The following ADGRL3 variants were observed in gnomAD, a reference collection of about 807,000 sequenced individuals.
The protein encoded by ADGRL3 is calcium-independent alpha-latrotoxin receptor 3.
A neutral mutation model predicts 153.5 loss-of-function variants in ADGRL3; 62 were observed. The observed-to-expected ratio is 0.40, with a 90% CI of 0.33 to 0.50. The LOEUF is 0.50. Among genes scored for constraint, ADGRL3 ranks in the 20% least tolerant of loss-of-function variants. The probability of loss-of-function intolerance (pLI) is 0.47; values close to 1 mark genes in which losing one functional copy is unlikely to be tolerated. For synonymous variants in ADGRL3, 710 were observed against 672.5 expected (o/e 1.06, Z -0.86); for missense variants, 1,641 against 1,859.4 (o/e 0.88, Z 2.16).
At chr4:61,275,719 G>C (rs1287358272) in intron 1 of ADGRL3, among the ~76,000 whole-genome samples, 1 of 152,092 alleles carries the variant, frequency 6.6e-6, no homozygotes, top group African/African-American at 2.4e-5. Flanking sequence ...TAACCTGCCT[G>C]GTCCCTGTAG....
chr4:61,801,313 T>C (rs895404862), intron 8 of ADGRL3, among the ~76,000 whole-genome samples: 19 of 152,064 alleles, frequency 1.2e-4, no homozygotes, highest in African/African-American at 4.6e-4. Context: ...CTAGGAACAA[T>C]TCTTAGAACA....
chr4:61,804,854 G>A (rs1001221771), intron 8 of ADGRL3, among the ~76,000 whole-genome samples: 52 of 152,060 alleles, frequency 3.4e-4, no homozygotes, highest in Non-Finnish European at 5.3e-4. Context: ...CCTTCCTTGC[G>A]GGGAGAGGGT....
At chr4:61,531,091 CT>C (rs1313736538) in intron 4 of ADGRL3, among the ~76,000 whole-genome samples, 2 of 152,020 alleles carry the variant, frequency 1.3e-5, no homozygotes, top group Non-Finnish European at 2.9e-5. Flanking sequence ...AGAATACCAC[CT>C]ATGAAAGAAT....
rs2152271427 is a variant in ADGRL3 at position 61,767,168 on chromosome 4, G to A, written c.1399+33614G>A. Reference sequence around the variant, plus strand: ...GTTAAGGTTGGGGGATACAAGAGGAGGACCCAAAGGAGGCTTTGGATTGGG... The same window carrying A: ...GTTAAGGTTGGGGGATACAAGAGGAAGACCCAAAGGAGGCTTTGGATTGGG... On this transcript the variant is annotated intron_variant, in intron 8 of 26. Coordinates refer to ENST00000683033, the MANE Select transcript of ADGRL3 (RefSeq NM_001387552.1). 4.6e-5 allele frequency among the ~76,000 whole-genome samples: 7 copies of A among 152,006 alleles called. 1 individual carries two copies. In the South Asian group the frequency reaches 1.5e-3, roughly 32 times the overall value.
At chr4:61,379,563 C>T (rs1214311890) in intron 1 of ADGRL3, among the ~76,000 whole-genome samples, 4 of 151,978 alleles carry the variant, frequency 2.6e-5, no homozygotes, top group Non-Finnish European at 5.9e-5. Flanking sequence ...AGGCTGAAAG[C>T]CATCTAATTA....
intron 9 of ADGRL3, among the ~76,000 whole-genome samples, chr4:61,833,468 G>T (rs1449559101): frequency 6.6e-6 from 1 of 152,142 alleles, no homozygotes; most frequent in Non-Finnish European, 1.5e-5. Flanking sequence ...AACTTGGTGG[G>T]TAGGAGCCAG....
intron 1 of ADGRL3, among the ~76,000 whole-genome samples, chr4:61,244,228 C>T (rs1218863668): frequency 6.6e-6 from 1 of 151,938 alleles, no homozygotes; most frequent in African/African-American, 2.4e-5. Flanking sequence ...GTAAGAAAAA[C>T]AGTAGAGCAG....
At chr4:61,707,046 T>C (rs1474533635) in intron 6 of ADGRL3, among the ~76,000 whole-genome samples, 4 of 152,138 alleles carry the variant, frequency 2.6e-5, no homozygotes, top group Admixed American at 6.6e-5. Context: ...ATTTAAATAT[T>C]GCTGTGTCTC....
chr4:61,237,328 T>G (rs1280608801), intron 1 of ADGRL3, among the ~76,000 whole-genome samples: 1 of 152,212 alleles, frequency 6.6e-6, no homozygotes, highest in Admixed American at 6.6e-5. Context: ...AGTGTTTTGG[T>G]CCTGGGTTTC....
intron 1 of ADGRL3, among the ~76,000 whole-genome samples, chr4:61,373,437 T>TA (rs1397910695): frequency 6.6e-6 from 1 of 152,200 alleles, no homozygotes; most frequent in African/African-American, 2.4e-5. Context: ...ATTTATCCCA[T>TA]ATGAATTTGA....
chr4:61,246,561 G>A (rs1406856176), intron 1 of ADGRL3, among the ~76,000 whole-genome samples: 4 of 151,680 alleles, frequency 2.6e-5, no homozygotes, highest in Non-Finnish European at 4.4e-5. Flanking sequence ...TAGCAATATT[G>A]GCTTTGAAGA....
intron 4 of ADGRL3, among the ~76,000 whole-genome samples, chr4:61,545,794 C>T (rs1186556807): frequency 2.0e-5 from 3 of 152,252 alleles, no homozygotes; most frequent in South Asian, 2.1e-4. Context: ...GGATTACAGG[C>T]GTAAGCTACC....
intron 25 of ADGRL3, chr4:62,063,753 C>A: frequency 8.4e-6 from 4 of 476,670 alleles, no homozygotes; most frequent in African/African-American, 2.0e-5. Flanking sequence ...CCTGCAGACT[C>A]CTTTCGCATT....
At chr4:61,724,418 GT>G (rs2096291136) in intron 6 of ADGRL3, among the ~76,000 whole-genome samples, 1 of 152,130 alleles carries the variant, frequency 6.6e-6, no homozygotes, top group Non-Finnish European at 1.5e-5. Context: ...GGCCATCCCA[GT>G]TTCTGTAGCA....
chr4:61,352,843 T>A (rs1303234150), intron 1 of ADGRL3, among the ~76,000 whole-genome samples: 2 of 152,188 alleles, frequency 1.3e-5, no homozygotes, highest in Admixed American at 6.5e-5. Flanking sequence ...GTAATTGAAA[T>A]TTTTCCATTA....
chr4:61,524,342 C>G (rs951227096), intron 4 of ADGRL3, among the ~76,000 whole-genome samples: 2 of 152,054 alleles, frequency 1.3e-5, no homozygotes, highest in Non-Finnish European at 2.9e-5. Context: ...TTATGTAAGT[C>G]TCCAGTACAG....
chr4:61,993,726 ACT>A, intron 19 of ADGRL3, among the ~76,000 whole-genome samples: 1 of 147,650 alleles, frequency 6.8e-6, no homozygotes, highest in Non-Finnish European at 1.5e-5. Flanking sequence ...GCTCTTTTTC[ACT>A]CTCTCTCATA....
rs1305074002 is a variant in ADGRL3 at position 62,063,386 on chromosome 4, C to T, written c.3815-4780C>T. 1.3e-5 allele frequency: 6 copies of T among 459,406 alleles called. No individual in the cohort carries two copies. The East Asian group carries it at 1.9e-4, about 15-fold the overall frequency. 28.5% of individuals were successfully genotyped at this position (459,406 alleles called of 1,614,324 possible). A position where few individuals can be genotyped will look rare whatever the true frequency, so the allele number is the denominator to read the frequency against. On this transcript the variant is annotated intron_variant, in intron 25 of 26. Coordinates refer to ENST00000683033, the MANE Select transcript of ADGRL3 (RefSeq NM_001387552.1). Reference sequence around the variant, plus strand: ...TTTTTTTAGTCTAGTTAGCTGCCTGCCTGTAATCAGGACTGTATCAATTGT... The same window carrying T: ...TTTTTTTAGTCTAGTTAGCTGCCTGTCTGTAATCAGGACTGTATCAATTGT...
At chr4:61,948,737 A>G (rs1169470282) in intron 17 of ADGRL3, among the ~76,000 whole-genome samples, 1 of 152,188 alleles carries the variant, frequency 6.6e-6, no homozygotes, top group Non-Finnish European at 1.5e-5. Flanking sequence ...GACTTGGCAT[A>G]CCCTAACATA....
Sources: allele counts gnomAD v4.1 joint callset (sites outside exome capture counted in the v4.1 genomes callset), GRCh38; gene constraint gnomAD v4.1.1; transcripts MANE v1.5; gene names NCBI Gene and HGNC (gene_info 2026-07-23, HGNC 2026-07-21).